PPP3CA: variants seen among roughly 807,000 people sequenced by gnomAD.
PPP3CA encodes protein phosphatase 3 catalytic subunit alpha.
In PPP3CA, 14 loss-of-function variants were observed where a neutral mutation model predicts 66.5. The observed-to-expected ratio is 0.21, with a 90% CI of 0.14 to 0.33. The LOEUF is 0.33. Among genes scored for constraint, PPP3CA ranks in the 10% least tolerant of loss-of-function variants. PPP3CA has a pLI of 1.00. For synonymous variants in PPP3CA, 232 were observed against 226.2 expected (o/e 1.03, Z -0.23); for missense variants, 317 against 639.5 (o/e 0.50, Z 5.44).
chr4:101,258,635 C>A (rs1726917554), intron 1 of PPP3CA, among the ~76,000 whole-genome samples: 1 of 152,014 alleles, frequency 6.6e-6, no homozygotes, highest in African/African-American at 2.4e-5. Context: ...TGTTTACCTA[C>A]TACTGAGCTA....
At chr4:101,331,884 A>C (rs1250748866) in intron 1 of PPP3CA, among the ~76,000 whole-genome samples, 1 of 152,206 alleles carries the variant, frequency 6.6e-6, no homozygotes, top group Non-Finnish European at 1.5e-5. Flanking sequence ...TAATATACAG[A>C]GTTCCTGCAA....
intron 10 of PPP3CA, among the ~76,000 whole-genome samples, chr4:101,058,835 A>G (rs1728336723): frequency 6.6e-6 from 1 of 152,136 alleles, no homozygotes. Context: ...TGGCTATGGT[A>G]CCTGGTACTT....
At chr4:101,173,296 T>C (rs4699110) in intron 2 of PPP3CA, among the ~76,000 whole-genome samples, 1 of 152,070 alleles carries the variant, frequency 6.6e-6, no homozygotes, top group Non-Finnish European at 1.5e-5. Context: ...GGGTGTTTAT[T>C]TGGCCTGTGG....
chr4:101,166,307 G>A (rs72915993), intron 2 of PPP3CA, among the ~76,000 whole-genome samples: 3,095 of 151,822 alleles, frequency 0.02, 97 homozygotes, highest in African/African-American at 0.07. Flanking sequence ...ACCCATTTTC[G>A]TGCCAAAATA....
chr4:101,290,841 C>T (rs908383626), intron 1 of PPP3CA, among the ~76,000 whole-genome samples: 6 of 152,178 alleles, frequency 3.9e-5, no homozygotes, highest in Admixed American at 3.9e-4. Flanking sequence ...GGCATGGGGC[C>T]AGACTGACAT....
intron 1 of PPP3CA, among the ~76,000 whole-genome samples, chr4:101,336,544 G>C (rs1729639493): frequency 1.3e-5 from 2 of 148,808 alleles, no homozygotes; most frequent in South Asian, 4.2e-4. Context: ...CTGCACTCCA[G>C]CCTGGGCAAC....
intron 10 of PPP3CA, among the ~76,000 whole-genome samples, chr4:101,047,999 G>C (rs982914274): frequency 6.6e-6 from 1 of 152,056 alleles, no homozygotes; most frequent in Non-Finnish European, 1.5e-5. Flanking sequence ...TAATGATAAA[G>C]AGGGGAGGGA....
intron 1 of PPP3CA, among the ~76,000 whole-genome samples, chr4:101,225,382 G>A (rs1244192173): frequency 6.6e-6 from 1 of 151,712 alleles, no homozygotes; most frequent in East Asian, 1.9e-4. Context: ...TCTAAGAAAT[G>A]TAACCATTAA....
intron 1 of PPP3CA, among the ~76,000 whole-genome samples, chr4:101,238,280 AATT>A (rs1364770777): frequency 6.6e-6 from 1 of 152,094 alleles, no homozygotes; most frequent in African/African-American, 2.4e-5. Context: ...AACAAAATAT[AATT>A]ATTATCTTAA....
intron 1 of PPP3CA, among the ~76,000 whole-genome samples, chr4:101,211,406 A>G (rs1051109119): frequency 2.0e-5 from 3 of 152,178 alleles, no homozygotes; most frequent in Non-Finnish European, 4.4e-5. Flanking sequence ...ATTTACTGGT[A>G]TATGATTCAC....
intron 2 of PPP3CA, among the ~76,000 whole-genome samples, chr4:101,127,013 C>A (rs1191869303): frequency 2.6e-5 from 4 of 152,120 alleles, no homozygotes; most frequent in Non-Finnish European, 5.9e-5. Context: ...TACCCTGATT[C>A]CTCTAGGATT....
chr4:101,259,514 C>G (rs1005555868), intron 1 of PPP3CA, among the ~76,000 whole-genome samples: 1 of 152,020 alleles, frequency 6.6e-6, no homozygotes, highest in African/African-American at 2.4e-5. Flanking sequence ...CTTTTTTGTA[C>G]CAGATAATTT....
chr4:101,234,847 A>G (rs1453164757), intron 1 of PPP3CA, among the ~76,000 whole-genome samples: 2 of 151,832 alleles, frequency 1.3e-5, no homozygotes, highest in East Asian at 3.9e-4. Flanking sequence ...TGCCCAAAAA[A>G]CATTCTCTGC....
chr4:101,184,983 G>A (rs1011096266), intron 2 of PPP3CA, among the ~76,000 whole-genome samples: 1 of 152,078 alleles, frequency 6.6e-6, no homozygotes, highest in African/African-American at 2.4e-5. Context: ...GCAAAAAATT[G>A]CAAGCTATAT....
intron 6 of PPP3CA, among the ~76,000 whole-genome samples, chr4:101,090,985 C>G (rs1007664826): frequency 6.7e-6 from 1 of 150,162 alleles, no homozygotes; most frequent in Admixed American, 6.6e-5. Context: ...AATATACACA[C>G]ATAATATATA....
intron 2 of PPP3CA, among the ~76,000 whole-genome samples, chr4:101,184,664 T>A (rs1007690590): frequency 6.6e-6 from 1 of 152,172 alleles, no homozygotes; most frequent in Non-Finnish European, 1.5e-5. Flanking sequence ...AAATTATACA[T>A]GTAGCTCACA....
rs192663429 is a variant in PPP3CA, at chr4:101,318,065, C to T, written c.58+28674G>A. On this transcript the variant is annotated intron_variant, in intron 1 of 13. Transcript: ENST00000394854. ...AAAATAGTTGTAGTGTAGTAAACAACGTATCAAAACAATTTGGTAATATAA... is the reference window on the plus strand; with the variant it reads ...AAAATAGTTGTAGTGTAGTAAACAATGTATCAAAACAATTTGGTAATATAA... Among the ~76,000 whole-genome samples, 221 of 152,236 alleles carry T rather than the reference C, an allele frequency of 1.5e-3. 2 individuals are homozygous for T. The highest frequency in any genetic ancestry group is 4.7e-3 in the African/African-American group (195 of 41,540).
chr4:101,255,531 G>C (rs1405451584), intron 1 of PPP3CA, among the ~76,000 whole-genome samples: 2 of 151,616 alleles, frequency 1.3e-5, no homozygotes, highest in African/African-American at 4.8e-5. Flanking sequence ...CTAAGATACA[G>C]ACCCTCCTCT....
At chr4:101,122,169 A>T (rs538744465) in intron 2 of PPP3CA, among the ~76,000 whole-genome samples, 199 of 152,292 alleles carry the variant, frequency 1.3e-3, no homozygotes, top group Non-Finnish European at 2.4e-3. Flanking sequence ...ATGAGAAAGT[A>T]ATTTTTCTCT....
Sources: allele counts gnomAD v4.1 joint callset (sites outside exome capture counted in the v4.1 genomes callset), GRCh38; gene constraint gnomAD v4.1.1; transcripts MANE v1.5; gene names NCBI Gene and HGNC (gene_info 2026-07-23, HGNC 2026-07-21).